Variants in DGKH observed in about 807,000 individuals in gnomAD.
The protein encoded by DGKH is DAG kinase eta.
In DGKH, 90 loss-of-function variants were observed where a neutral mutation model predicts 159.3. That is an observed-to-expected ratio of 0.57 (90% CI 0.48 to 0.67). The LOEUF is 0.67. Ranked by LOEUF, DGKH falls within the 30% of genes least tolerant of loss-of-function variation. The pLI, the probability that DGKH is intolerant of heterozygous loss-of-function variation, is 0.00. For synonymous variants in DGKH, 536 were observed against 553.8 expected (o/e 0.97, Z 0.45); for missense variants, 1,181 against 1,506.1 (o/e 0.78, Z 3.57).
chr13:42,229,053 C>A, intron 29 of DGKH, 46 bp from the exon 30 acceptor site: 1 of 1,509,426 alleles, frequency 6.6e-7, no homozygotes, highest in Non-Finnish European at 9.0e-7. Flanking sequence ...TGTGTTTTTT[C>A]TTTCATTTTT....
At chr13:42,150,917 G>A (rs1955862760) in intron 3 of DGKH, among the ~76,000 whole-genome samples, 1 of 151,922 alleles carries the variant, frequency 6.6e-6, no homozygotes, top group Admixed American at 6.6e-5. Context: ...ATCTAGGTGG[G>A]CCCAGTGCAA....
chr13:42,137,404 G>A (rs1398601510), intron 3 of DGKH, among the ~76,000 whole-genome samples: 2 of 152,144 alleles, frequency 1.3e-5, no homozygotes, highest in African/African-American at 4.8e-5. Context: ...GAATCCTAGA[G>A]TGCAAGAATT....
In DGKH at chr13:42,166,694, T is replaced by C. The variant is rs753084391; in HGVS notation, c.1118+20T>C. 6.4e-7 allele frequency: 1 copy of C among 1,556,414 alleles called. No homozygotes were observed. The highest frequency in any genetic ancestry group is 2.0e-5 in the Admixed American group (1 of 49,906). On this transcript the variant is annotated intron_variant, in intron 9 of 29. Coordinates refer to ENST00000337343, the MANE Select transcript of DGKH (RefSeq NM_178009.5). ...TTTAGGGTAACTGATTATTGATAAATCTTATTTGAATACAATGTAGGACTA... is the reference window on the plus strand; with the variant it reads ...TTTAGGGTAACTGATTATTGATAAACCTTATTTGAATACAATGTAGGACTA...
In DGKH at chr13:42,230,219, C is replaced by T. The variant is rs1958252203; in HGVS notation, c.*1031C>T. On this transcript the variant is annotated 3_prime_UTR_variant, in exon 30 of 30. Transcript: ENST00000337343. Reference sequence around the variant, plus strand: ...AGTAAAGTGTTGATATCCAGGAATTCCCTGAGGTGTCAACTGAGATTTATA... The same window carrying T: ...AGTAAAGTGTTGATATCCAGGAATTTCCTGAGGTGTCAACTGAGATTTATA... 1 of 152,026 alleles carries T rather than the reference C, an allele frequency of 6.6e-6. No homozygotes were observed. The highest frequency in any genetic ancestry group is 2.1e-4 in the South Asian group (1 of 4,818). The allele number at this position is 152,026 out of a possible 1,614,324, so 9.4% of individuals were successfully genotyped here.
At chr13:42,194,215 C>T (rs1810762840) in intron 16 of DGKH, among the ~76,000 whole-genome samples, 1 of 152,218 alleles carries the variant, frequency 6.6e-6, no homozygotes, top group Non-Finnish European at 1.5e-5. Context: ...TCATAGCTCA[C>T]TGCAACCTCA....
intron 1 of DGKH, among the ~76,000 whole-genome samples, chr13:42,067,000 T>C (rs1882626402): frequency 6.6e-6 from 1 of 152,146 alleles, no homozygotes. Context: ...GTTATATATG[T>C]CATATATATT....
At chr13:42,088,345 A>G (rs1954349274) in intron 1 of DGKH, among the ~76,000 whole-genome samples, 1 of 152,182 alleles carries the variant, frequency 6.6e-6, no homozygotes, top group Non-Finnish European at 1.5e-5. Flanking sequence ...AGCACTAGAA[A>G]TAATTAGAAT....
At chr13:42,143,273 T>C (rs1955620886) in intron 3 of DGKH, among the ~76,000 whole-genome samples, 1 of 152,176 alleles carries the variant, frequency 6.6e-6, no homozygotes, top group South Asian at 2.1e-4. Flanking sequence ...GGATAAGCTT[T>C]TTGATGTGCT....
chr13:42,151,803 A>G (rs1955912241), intron 3 of DGKH, among the ~76,000 whole-genome samples: 1 of 152,018 alleles, frequency 6.6e-6, no homozygotes, highest in Non-Finnish European at 1.5e-5. Context: ...TCCTGTAGGT[A>G]GATACCCAGT....
chr13:42,247,323 T>C (rs1448968335), downstream of DGKH, among the ~76,000 whole-genome samples: 1 of 150,992 alleles, frequency 6.6e-6, no homozygotes, highest in Non-Finnish European at 1.5e-5. Flanking sequence ...CTGTGCCTCC[T>C]GGGTTCAAGC....
downstream of DGKH, among the ~76,000 whole-genome samples, chr13:42,243,929 G>A (rs887746761): frequency 1.2e-4 from 18 of 152,172 alleles, no homozygotes; most frequent in African/African-American, 4.3e-4. Flanking sequence ...TATGAAAGAA[G>A]TTTGAGTGAG....
chr13:42,136,510 T>G (rs1158338041), intron 3 of DGKH, among the ~76,000 whole-genome samples: 1 of 152,240 alleles, frequency 6.6e-6, no homozygotes, highest in African/African-American at 2.4e-5. Flanking sequence ...CTTTAAATTT[T>G]AATGAAGATT....
chr13:42,246,339 T>G (rs902667050), downstream of DGKH, among the ~76,000 whole-genome samples: 1 of 152,016 alleles, frequency 6.6e-6, no homozygotes, highest in Non-Finnish European at 1.5e-5. Context: ...ATCCCTGCAG[T>G]TTGGGAGGCC....
In DGKH at chr13:42,242,248, C is replaced by T. The variant is rs1958527714; in HGVS notation, c.*13060C>T. ...ACAGTATAGTTCCTTTTGTCCCTTA[C>T]ATTGGAAAAGGTATTTTAAATTTAG... is the stretch of plus-strand genomic sequence containing the variant. On this transcript the variant is annotated 3_prime_UTR_variant, in exon 30 of 30. Coordinates refer to ENST00000337343, the MANE Select transcript of DGKH (RefSeq NM_178009.5). The T allele has an allele frequency of 6.6e-6, 1 of 152,198 alleles. No individual in the cohort carries two copies. Among genetic ancestry groups the T allele is most frequent in the Non-Finnish European group, 1.5e-5 (1 of 68,022 alleles). 9.4% of individuals were successfully genotyped at this position (152,198 alleles called of 1,614,324 possible). A position where few individuals can be genotyped will look rare whatever the true frequency, so the allele number is the denominator to read the frequency against.
intron 1 of DGKH, chr13:42,071,055 A>C (rs1416049493): frequency 1.7e-6 from 2 of 1,203,286 alleles, no homozygotes; most frequent in African/African-American, 3.1e-5. Context: ...CCAGATCAAA[A>C]CCATGAATGT....
At position 42,231,055 on chromosome 13, in the gene DGKH, T is replaced by A. The variant is rs1958279107; in HGVS notation, c.*1867T>A. The A allele has an allele frequency of 6.6e-6, 1 of 152,094 alleles. No homozygotes were observed. Among genetic ancestry groups the A allele is most frequent in the Admixed American group, 6.6e-5 (1 of 15,266 alleles). The allele number at this position is 152,094 out of a possible 1,614,324, so 9.4% of individuals were successfully genotyped here. On this transcript the variant is annotated 3_prime_UTR_variant, in exon 30 of 30. Coordinates refer to ENST00000337343, the MANE Select transcript of DGKH (RefSeq NM_178009.5). ...ATTTTCCAAAGACAGTTATATCAAG[T>A]AGTTTAAAAAGTCATGAGGCAGGGT...
At chr13:42,178,041 A>G (rs1384613290) in intron 12 of DGKH, 94 bp from the exon 13 acceptor site, 2 of 761,096 alleles carry the variant, frequency 2.6e-6, no homozygotes, top group Non-Finnish European at 2.0e-6. Flanking sequence ...TTGCCTAAAC[A>G]TATGTCATGA....
At chr13:42,150,559 C>T (rs896213375) in intron 3 of DGKH, among the ~76,000 whole-genome samples, 12 of 152,258 alleles carry the variant, frequency 7.9e-5, no homozygotes, top group South Asian at 2.1e-4. Flanking sequence ...TAAGATGCTG[C>T]GGAAGTAATC....
upstream of DGKH, among the ~76,000 whole-genome samples, chr13:42,044,908 G>A (rs984492564): frequency 6.6e-5 from 10 of 152,174 alleles, no homozygotes; most frequent in Non-Finnish European, 1.2e-4. Flanking sequence ...TTACTGGGGG[G>A]AAAATAGGTA....
Sources: allele counts gnomAD v4.1 joint callset (sites outside exome capture counted in the v4.1 genomes callset), GRCh38; gene constraint gnomAD v4.1.1; transcripts MANE v1.5; gene names NCBI Gene and HGNC (gene_info 2026-07-23, HGNC 2026-07-21).